Variants in VAT1L observed in about 807,000 individuals in gnomAD.
The protein encoded by VAT1L is vesicle amine transport 1 like.
VAT1L carries 34 observed loss-of-function variants against 44.1 expected under a neutral mutation model. The observed-to-expected ratio is 0.77, with a 90% confidence interval of 0.59 to 1.03. The LOEUF (loss-of-function observed/expected upper bound fraction) is 1.03, where lower values mean the gene tolerates loss of function less well. Among genes scored for constraint, VAT1L ranks in the 50% least tolerant of loss-of-function variants. The pLI is 0.00. For synonymous variants in VAT1L, 253 were observed against 202.2 expected (o/e 1.25, Z -2.13); for missense variants, 615 against 538.8 (o/e 1.14, Z -1.40).
chr16:77,821,712 T>A (rs754237548), intron 2 of VAT1L, among the ~76,000 whole-genome samples: 3 of 151,976 alleles, frequency 2.0e-5, no homozygotes, highest in Non-Finnish European at 4.4e-5. Flanking sequence ...TAAGGAGTTG[T>A]CATAAGAATT....
chr16:77,818,275 A>G (rs1567476014), intron 2 of VAT1L, among the ~76,000 whole-genome samples: 1 of 152,222 alleles, frequency 6.6e-6, no homozygotes, highest in Non-Finnish European at 1.5e-5. Context: ...GAAAAGATCA[A>G]TATGCTCCAA....
chr16:77,812,935 C>T (rs1194973987), intron 1 of VAT1L, among the ~76,000 whole-genome samples: 2 of 152,084 alleles, frequency 1.3e-5, no homozygotes, highest in South Asian at 2.1e-4. Context: ...AATAGGATTA[C>T]CTGGCAGAAC....
At chr16:77,824,755 CA>C (rs35200345) in intron 2 of VAT1L, among the ~76,000 whole-genome samples, 35,475 of 111,080 alleles carry the variant, frequency 0.32, 4,340 homozygotes, top group East Asian at 0.45. Flanking sequence ...GACTCCATCT[CA>C]AAAAAAAAAA....
chr16:77,936,061 T>C (rs1029644566), intron 7 of VAT1L, among the ~76,000 whole-genome samples: 34 of 151,918 alleles, frequency 2.2e-4, no homozygotes, highest in Admixed American at 2.2e-3. Context: ...AAAAAGGAGG[T>C]GGGAAGAAAT....
At chr16:77,796,966 T>G (rs1327636504) in intron 1 of VAT1L, among the ~76,000 whole-genome samples, 2 of 152,074 alleles carry the variant, frequency 1.3e-5, no homozygotes, top group African/African-American at 4.8e-5. Context: ...CACTGGAGGC[T>G]CTAAAAGGTG....
Position 77,884,686 on chromosome 16 carries a change from C to G in VAT1L, c.961C>G (p.Leu321Val). Residue 321 changes from leucine (L) to valine (V), a missense_variant, in exon 7 of 9, where the codon CTG becomes GTG. By Grantham distance (32) the Leu-to-Val change is conservative (BLOSUM62 1). Coordinates refer to ENST00000302536, the MANE Select transcript of VAT1L (RefSeq NM_020927.3). The surrounding 1 kb of genome is among the most constrained non-coding windows in gnomAD (Gnocchi z 4.5). ...CATCGCGGGGTTTTCCCTTTTAAAT[C>G]TGCTCTTCAAACAAGGCCGGGCGGG... Reference protein sequence around the residue: ...KVIAGFSLLNLLFKQGRAGLI... With the variant: ...KVIAGFSLLNVLFKQGRAGLI... The G allele has an allele frequency of 6.2e-7, 1 of 1,612,866 alleles. No individual in the cohort carries two copies.
At chr16:77,793,781 A>G (rs1015848376) in intron 1 of VAT1L, among the ~76,000 whole-genome samples, 1 of 152,222 alleles carries the variant, frequency 6.6e-6, no homozygotes, top group Non-Finnish European at 1.5e-5. Flanking sequence ...AAATGGGCTG[A>G]GGGCAGGCCA....
chr16:77,883,853 A>G (rs949875336), intron 6 of VAT1L, among the ~76,000 whole-genome samples: 1 of 152,120 alleles, frequency 6.6e-6, no homozygotes, highest in Non-Finnish European at 1.5e-5. Context: ...CTGCTTCTGC[A>G]GTCAGAGTGG....
At chr16:77,940,216 T>C (rs902334746) in intron 7 of VAT1L, among the ~76,000 whole-genome samples, 1 of 152,224 alleles carries the variant, frequency 6.6e-6, no homozygotes, top group Admixed American at 6.5e-5. Flanking sequence ...TTCCATTGCA[T>C]CAAAATTTCC....
At chr16:77,840,609 C>G (rs1347893507) in intron 3 of VAT1L, among the ~76,000 whole-genome samples, 4 of 152,146 alleles carry the variant, frequency 2.6e-5, no homozygotes, top group African/African-American at 9.7e-5. Flanking sequence ...TTTCGTTTTG[C>G]ATGTCAGGAG....
chr16:77,820,504 TC>T (rs2016434034), intron 2 of VAT1L, among the ~76,000 whole-genome samples: 1 of 152,184 alleles, frequency 6.6e-6, no homozygotes, highest in Non-Finnish European at 1.5e-5. Context: ...CTGTATCTTT[TC>T]CTGCAGAATA....
intron 7 of VAT1L, among the ~76,000 whole-genome samples, chr16:77,954,144 C>G (rs527360657): frequency 2.0e-5 from 3 of 152,242 alleles, no homozygotes; most frequent in South Asian, 4.2e-4. Flanking sequence ...AAAACAATAT[C>G]CTGAAGGTTT....
chr16:77,806,595 G>A (rs535042867), intron 1 of VAT1L, among the ~76,000 whole-genome samples: 2 of 152,096 alleles, frequency 1.3e-5, no homozygotes, highest in South Asian at 2.1e-4. Flanking sequence ...TGCCCGCCTC[G>A]GCCTCCCAAA....
At chr16:77,925,589 T>C (rs1341973672) in intron 7 of VAT1L, among the ~76,000 whole-genome samples, 1 of 152,232 alleles carries the variant, frequency 6.6e-6, no homozygotes, top group African/African-American at 2.4e-5. Context: ...CACTGCTTCC[T>C]TTAATAAAAT....
intron 7 of VAT1L, among the ~76,000 whole-genome samples, chr16:77,889,075 C>G (rs1236493318): frequency 6.6e-6 from 1 of 152,202 alleles, no homozygotes; most frequent in Non-Finnish European, 1.5e-5. Flanking sequence ...ATGCTTATTA[C>G]TTGCAAACCT....
At chr16:77,843,269 C>A (rs9922309) in intron 3 of VAT1L, among the ~76,000 whole-genome samples, 3 of 151,926 alleles carry the variant, frequency 2.0e-5, no homozygotes, top group African/African-American at 7.3e-5. Flanking sequence ...TGTTGGCCTC[C>A]GAGAAGCCAG....
chr16:77,886,363 T>C (rs1180347629), intron 7 of VAT1L, among the ~76,000 whole-genome samples: 1 of 152,048 alleles, frequency 6.6e-6, no homozygotes, highest in Non-Finnish European at 1.5e-5. Context: ...GAAAACGGAA[T>C]CATCAAGAAA....
At chr16:77,927,021 A>G (rs190042122) in intron 7 of VAT1L, among the ~76,000 whole-genome samples, 47 of 152,226 alleles carry the variant, frequency 3.1e-4, no homozygotes, top group African/African-American at 1.1e-3. Context: ...GTCATAGGCT[A>G]TTTCCTGAGG....
At chr16:77,893,694 A>G (rs1383795299) in intron 7 of VAT1L, among the ~76,000 whole-genome samples, 2 of 152,224 alleles carry the variant, frequency 1.3e-5, no homozygotes, top group Non-Finnish European at 2.9e-5. Context: ...CCAACATCAC[A>G]ATAGTATCCA....
Sources: allele counts gnomAD v4.1 joint callset (sites outside exome capture counted in the v4.1 genomes callset), GRCh38; gene constraint gnomAD v4.1.1; non-coding constraint Gnocchi (gnomAD v3.1); transcripts MANE v1.5; gene names NCBI Gene and HGNC (gene_info 2026-07-23, HGNC 2026-07-21).